Variants in MYO1E observed in about 807,000 individuals in gnomAD.
MYO1E encodes unconventional myosin-Ie.
A neutral mutation model predicts 151.1 loss-of-function variants in MYO1E; 68 were observed. The observed-to-expected ratio is 0.45, with a 90% CI of 0.37 to 0.55. The LOEUF (loss-of-function observed/expected upper bound fraction) is 0.55, where lower values mean the gene tolerates loss of function less well. Ranked by LOEUF, MYO1E falls within the 20% of genes least tolerant of loss-of-function variation. The probability of loss-of-function intolerance (pLI) is 0.00; values close to 1 mark genes in which losing one functional copy is unlikely to be tolerated. For synonymous variants in MYO1E, 601 were observed against 501.7 expected (o/e 1.20, Z -2.64); for missense variants, 1,363 against 1,389.3 (o/e 0.98, Z 0.30).
chr15:59,184,155 C>T (rs113074849), intron 18 of MYO1E, among the ~76,000 whole-genome samples: 2,037 of 151,964 alleles, frequency 0.013, 52 homozygotes, highest in African/African-American at 0.046. Context: ...TACGGGTGTG[C>T]GCCACCACAC....
chr15:59,191,283 G>A (rs573574592), intron 17 of MYO1E, among the ~76,000 whole-genome samples: 44 of 148,152 alleles, frequency 3.0e-4, no homozygotes, highest in African/African-American at 1.1e-3. Flanking sequence ...GTGAAACCCC[G>A]TCTGTACTAA....
At chr15:59,348,311 G>A (rs28443193) in intron 1 of MYO1E, among the ~76,000 whole-genome samples, 2,053 of 152,162 alleles carry the variant, frequency 0.013, 47 homozygotes, top group African/African-American at 0.046. Context: ...AACCAAAAAC[G>A]CCAAAACCAC....
chr15:59,276,347 C>T (rs1247440665), intron 1 of MYO1E, among the ~76,000 whole-genome samples: 2 of 152,168 alleles, frequency 1.3e-5, no homozygotes, highest in South Asian at 2.1e-4. Flanking sequence ...CCATTTTAAA[C>T]AGGTGGATAC....
At chr15:59,348,767 G>A (rs2080807977) in intron 1 of MYO1E, 1 of 152,198 alleles carries the variant, frequency 6.6e-6, no homozygotes. Context: ...GAGCAGCTGG[G>A]ATTACAGGCA....
Position 59,166,925 on chromosome 15 carries a change from G to C in MYO1E, c.2481-3622C>G, listed in dbSNP as rs75169926. On this transcript the variant is annotated intron_variant, in intron 22 of 27. Transcript: ENST00000288235. ...TTATAGTAAGGCACATGTTTACTCA[G>C]CTGTCTGTTCCCCCTTCCAGAATGA... 5.4e-3 allele frequency among the ~76,000 whole-genome samples: 815 copies of C among 152,272 alleles called. 7 individuals are homozygous for C. Among genetic ancestry groups the C allele is most frequent in the African/African-American group, 0.019 (778 of 41,548 alleles).
At chr15:59,331,022 G>A (rs538614124) in intron 1 of MYO1E, among the ~76,000 whole-genome samples, 101 of 152,056 alleles carry the variant, frequency 6.6e-4, no homozygotes, top group South Asian at 2.1e-4. Flanking sequence ...CTCCTGTGTC[G>A]TCCTCCCACA....
chr15:59,178,073 G>C (rs2079635798), intron 19 of MYO1E, among the ~76,000 whole-genome samples: 2 of 152,338 alleles, frequency 1.3e-5, no homozygotes, highest in East Asian at 1.9e-4. Context: ...AACACATATG[G>C]AACAAAGAGT....
At chr15:59,338,785 G>C (rs528879127) in intron 1 of MYO1E, among the ~76,000 whole-genome samples, 43 of 152,138 alleles carry the variant, frequency 2.8e-4, no homozygotes, top group Non-Finnish European at 5.6e-4. Flanking sequence ...TACCTACAAA[G>C]GTCTATCAAC....
rs755470049 is a variant in MYO1E, at chr15:59,297,437, A to ATTT, written c.4-24991_4-24989dup. 4.5e-3 allele frequency among the ~76,000 whole-genome samples: 283 copies of ATTT among 63,470 alleles called. 17 individuals are homozygous for ATTT. Among genetic ancestry groups the ATTT allele is most frequent in the Non-Finnish European group, 8.2e-3 (221 of 27,010 alleles). The allele number at this position is 63,470 out of a possible 152,430, so 41.6% of individuals were successfully genotyped here. A position where few individuals can be genotyped will look rare whatever the true frequency, so the allele number is the denominator to read the frequency against. On this transcript the variant is annotated intron_variant, in intron 1 of 27. Transcript: ENST00000288235. ...AGGTACGCACCACCACACCCAGCTA[A>ATTT]TTTTTTTTTTTTTTTTTTTTTTTTA...
At chr15:59,257,722 G>A (rs1239030887) in intron 3 of MYO1E, among the ~76,000 whole-genome samples, 1 of 152,068 alleles carries the variant, frequency 6.6e-6, no homozygotes, top group African/African-American at 2.4e-5. Context: ...GGGGCTCATA[G>A]GGGGAGCTAC....
chr15:59,256,376 T>C lies in MYO1E; in HGVS notation c.240A>G (p.Ala80=). The C allele has an allele frequency of 6.3e-7, 1 of 1,588,012 alleles. No homozygotes were observed. Among genetic ancestry groups the C allele is most frequent in the Non-Finnish European group, 8.6e-7 (1 of 1,164,138 alleles). ...EKEIEMYQGA[A]QYENPPHIYA... ...AGATATGTGGTGGGTTTTCATACTG[T>C]GCCTAGAAAAGCAAAAAATAATAAT... The change falls in exon 4 of 28, where the codon GCA becomes GCG. Residue 80 remains alanine, a splice_region_variant and synonymous_variant. Transcript: ENST00000288235.
At chr15:59,310,918 C>T (rs2080547264) in intron 1 of MYO1E, among the ~76,000 whole-genome samples, 1 of 152,082 alleles carries the variant, frequency 6.6e-6, no homozygotes, top group East Asian at 1.9e-4. Flanking sequence ...GGACAAATTC[C>T]AAGCAAGCCC....
intron 15 of MYO1E, among the ~76,000 whole-genome samples, chr15:59,203,277 A>G (rs915844562): frequency 2.0e-5 from 3 of 151,526 alleles, no homozygotes; most frequent in Non-Finnish European, 4.4e-5. Context: ...CCAGTAGCAC[A>G]CTGTTCCCAG....
chr15:59,190,647 C>T (rs1227077237), intron 17 of MYO1E, among the ~76,000 whole-genome samples: 4 of 152,182 alleles, frequency 2.6e-5, no homozygotes, highest in African/African-American at 7.2e-5. Flanking sequence ...GGCCCTGCCA[C>T]GATGCAACTT....
At chr15:59,173,001 C>T (rs2079604616) in intron 21 of MYO1E, among the ~76,000 whole-genome samples, 1 of 152,228 alleles carries the variant, frequency 6.6e-6, no homozygotes, top group South Asian at 2.1e-4. Context: ...GGCAAAAAGC[C>T]AAAAGCTCTT....
intron 1 of MYO1E, among the ~76,000 whole-genome samples, chr15:59,371,138 G>C (rs1474371505): frequency 2.0e-5 from 3 of 152,226 alleles, no homozygotes; most frequent in Admixed American, 2.0e-4. Flanking sequence ...GGCCGAGGAT[G>C]CCTTGAAAGG....
chr15:59,325,021 T>G (rs942019820), intron 1 of MYO1E, among the ~76,000 whole-genome samples: 1 of 151,406 alleles, frequency 6.6e-6, no homozygotes, highest in African/African-American at 2.4e-5. Flanking sequence ...TTTAAATGAA[T>G]TCAATTTCCT....
chr15:59,221,801 T>C (rs2079958124), intron 9 of MYO1E, among the ~76,000 whole-genome samples: 1 of 152,212 alleles, frequency 6.6e-6, no homozygotes, highest in Non-Finnish European at 1.5e-5. Flanking sequence ...TTCAGTGTCA[T>C]GATTTTGTTT....
chr15:59,249,701 T>C (rs1419640797), intron 4 of MYO1E, among the ~76,000 whole-genome samples: 1 of 152,218 alleles, frequency 6.6e-6, no homozygotes, highest in East Asian at 1.9e-4. Context: ...TAAAGATTCC[T>C]AGTCTTTCCA....
Sources: allele counts gnomAD v4.1 joint callset (sites outside exome capture counted in the v4.1 genomes callset), GRCh38; gene constraint gnomAD v4.1.1; transcripts MANE v1.5; gene names NCBI Gene and HGNC (gene_info 2026-07-23, HGNC 2026-07-21).